FAAH2: variants seen among roughly 807,000 people sequenced by gnomAD.
The protein encoded by FAAH2 is fatty acid amide hydrolase 2, also known as fatty-acid amide hydrolase 2.
In FAAH2, 60 loss-of-function variants were observed where a neutral mutation model predicts 36.9. The ratio of observed to expected loss-of-function variants is 1.63; its 90% CI spans 1.32 to 2.02. The LOEUF is 2.02. FAAH2 is among the 30% of genes most tolerant of loss of function. The probability of loss-of-function intolerance (pLI) is 0.00; values close to 1 mark genes in which losing one functional copy is unlikely to be tolerated. For missense variants in FAAH2, 689 were observed against 397.5 expected (o/e 1.73, Z -6.23); for synonymous variants, 214 against 143.8 (o/e 1.49, Z -3.49).
chrX:57,434,603 A>C (rs1260723910), intron 8 of FAAH2, among the ~76,000 whole-genome samples: 1 of 110,502 alleles, frequency 9.0e-6, no homozygotes, highest in East Asian at 2.9e-4. Flanking sequence ...TCAAACAAAA[A>C]TAAAGACAAA....
intron 3 of FAAH2, among the ~76,000 whole-genome samples, chrX:57,316,504 T>C (rs1412509964): frequency 8.9e-6 from 1 of 111,753 alleles, no homozygotes; most frequent in Non-Finnish European, 1.9e-5. Flanking sequence ...CAAAACAGCA[T>C]GGTGCTGGTA....
chrX:57,279,287 T>C, the FAAH2 span, among the ~76,000 whole-genome samples: 1 of 112,118 alleles, frequency 8.9e-6, no homozygotes, highest in Non-Finnish European at 1.9e-5. Flanking sequence ...AAAGGATGAG[T>C]TCATGTCCTT....
At chrX:57,372,197 T>C (rs758825445) in intron 5 of FAAH2, among the ~76,000 whole-genome samples, 3 of 111,780 alleles carry the variant, frequency 2.7e-5, no homozygotes, top group Non-Finnish European at 3.8e-5. Context: ...AGTAGTTCTA[T>C]TTTTTAGTTA....
chrX:57,466,324 C>T (rs1309259768), intron 10 of FAAH2, among the ~76,000 whole-genome samples: 1 of 106,454 alleles, frequency 9.4e-6, no homozygotes, highest in African/African-American at 3.4e-5. Context: ...ATCCATAAAT[C>T]AGTCACTAAA....
At chrX:57,473,605 C>A (rs1462875907) in intron 10 of FAAH2, among the ~76,000 whole-genome samples, 1 of 111,367 alleles carries the variant, frequency 9.0e-6, no homozygotes, top group African/African-American at 3.3e-5. Flanking sequence ...CTAGTGATAT[C>A]AGTGGGGTGT....
chrX:57,301,312 G>T (rs901699694), intron 2 of FAAH2, among the ~76,000 whole-genome samples: 8 of 109,852 alleles, frequency 7.3e-5, no homozygotes, highest in Admixed American at 4.9e-4. Context: ...TTCCTTTGTA[G>T]GGACATGGAT....
the FAAH2 span, among the ~76,000 whole-genome samples, chrX:57,262,887 G>A: frequency 9.0e-6 from 1 of 111,072 alleles, no homozygotes; most frequent in African/African-American, 3.3e-5. Context: ...CAATGCAGAA[G>A]GAACATTTGA....
intron 8 of FAAH2, among the ~76,000 whole-genome samples, chrX:57,442,203 G>C (rs1257899320): frequency 2.7e-5 from 3 of 110,996 alleles, no homozygotes; most frequent in Admixed American, 9.6e-5. Context: ...AATGTTGAGA[G>C]TGGGGTGTTA....
chrX:57,127,462 G>C, the FAAH2 span, among the ~76,000 whole-genome samples: 12 of 111,403 alleles, frequency 1.1e-4, no homozygotes, highest in African/African-American at 3.6e-4. Context: ...GAAGAGGTAG[G>C]CTTCCGGACT....
chrX:57,457,676 A>G (rs1435891213), intron 10 of FAAH2, among the ~76,000 whole-genome samples: 2 of 94,164 alleles, frequency 2.1e-5, no homozygotes, highest in African/African-American at 7.5e-5. Flanking sequence ...CAAATGAAGA[A>G]CAGAATTCCA....
intron 10 of FAAH2, among the ~76,000 whole-genome samples, chrX:57,477,404 G>A (rs1192798209): frequency 9.1e-6 from 1 of 110,461 alleles, no homozygotes; most frequent in East Asian, 2.8e-4. Context: ...AAAAAATCTG[G>A]ACTACTATAA....
the FAAH2 span, among the ~76,000 whole-genome samples, chrX:57,132,532 C>T: frequency 8.0e-5 from 9 of 112,178 alleles, no homozygotes; most frequent in African/African-American, 2.6e-4. Flanking sequence ...CACTGCACAG[C>T]GTTATCAAAT....
intron 2 of FAAH2, among the ~76,000 whole-genome samples, chrX:57,297,323 T>G (rs772758746): frequency 1.8e-5 from 2 of 108,110 alleles, no homozygotes; most frequent in East Asian, 5.9e-4. Flanking sequence ...AAAATAACTT[T>G]CAACCCAGCA....
intron 10 of FAAH2, among the ~76,000 whole-genome samples, 164 bp from the exon 11 acceptor site, chrX:57,488,593 T>C (rs2057516659): frequency 8.9e-6 from 1 of 112,183 alleles, no homozygotes; most frequent in Non-Finnish European, 1.9e-5. Flanking sequence ...TGTTGTGATG[T>C]CAAATATTTA....
chrX:57,430,760 T>A (rs2056275921), intron 7 of FAAH2, among the ~76,000 whole-genome samples: 1 of 111,848 alleles, frequency 8.9e-6, no homozygotes, highest in Non-Finnish European at 1.9e-5. Context: ...CTATTAAATT[T>A]ATTTTTTTTA....
At chrX:57,345,276 A>T (rs754953657) in intron 5 of FAAH2, among the ~76,000 whole-genome samples, 1 of 104,960 alleles carries the variant, frequency 9.5e-6, no homozygotes, top group East Asian at 3.0e-4. Flanking sequence ...TCTTTTGTGC[A>T]TTGGTAGGTT....
chrX:57,242,203 A>C, the FAAH2 span, among the ~76,000 whole-genome samples: 1 of 111,657 alleles, frequency 9.0e-6, no homozygotes, highest in South Asian at 3.8e-4. Context: ...CTTATACAAG[A>C]GAGCTCCAGC....
chrX:57,206,278 G>T, the FAAH2 span, among the ~76,000 whole-genome samples: 2 of 111,895 alleles, frequency 1.8e-5, no homozygotes, highest in Non-Finnish European at 3.8e-5. Context: ...AATAATTTTT[G>T]AAAGTCATTT....
chrX:57,330,111 C>A (rs2053356831), intron 3 of FAAH2, among the ~76,000 whole-genome samples: 1 of 111,817 alleles, frequency 8.9e-6, no homozygotes, highest in African/African-American at 3.3e-5. Flanking sequence ...AACAAGATAA[C>A]AGCAACTGTT....
Sources: gnomAD v4.1 joint callset for allele counts (sites outside exome capture counted in the v4.1 genomes callset) on GRCh38, gnomAD v4.1.1 for gene constraint, MANE v1.5 for transcripts, NCBI Gene and HGNC (gene_info 2026-07-23, HGNC 2026-07-21) for gene names.